The following TIAM1 variants were observed in gnomAD, a reference collection of about 807,000 sequenced individuals.
TIAM1 encodes the protein TIAM Rac1 associated GEF 1.
A neutral mutation model predicts 163.5 loss-of-function variants in TIAM1; 65 were observed. That is an observed-to-expected ratio of 0.40 (90% CI 0.33 to 0.49). The LOEUF is 0.49. Ranked by LOEUF, TIAM1 falls within the 20% of genes least tolerant of loss-of-function variation. The pLI, the probability that TIAM1 is intolerant of heterozygous loss-of-function variation, is 0.77. For missense variants in TIAM1, 1,789 were observed against 2,044.7 expected (o/e 0.87, Z 2.41); for synonymous variants, 833 against 810.1 (o/e 1.03, Z -0.48).
chr21:31,299,427 T>G (rs2074418615), intron 2 of TIAM1, among the ~76,000 whole-genome samples: 1 of 152,238 alleles, frequency 6.6e-6, no homozygotes, highest in African/African-American at 2.4e-5. Flanking sequence ...TGTTATTTCT[T>G]GTTGGGACTT....
intron 2 of TIAM1, among the ~76,000 whole-genome samples, chr21:31,443,397 T>C (rs2044507960): frequency 6.6e-6 from 1 of 152,262 alleles, no homozygotes; most frequent in East Asian, 1.9e-4. Flanking sequence ...TGGACCACGC[T>C]GCTGTATGTC....
intron 1 of TIAM1, among the ~76,000 whole-genome samples, chr21:31,468,788 C>T (rs1395543525): frequency 1.3e-5 from 2 of 151,938 alleles, no homozygotes; most frequent in East Asian, 3.9e-4. Flanking sequence ...AAAAAACGAA[C>T]CTAGAAGGGC....
In TIAM1 at chr21:31,525,346, C is replaced by T. The variant is rs1215893970; in HGVS notation, c.-422+33581G>A. 2.0e-5 allele frequency among the ~76,000 whole-genome samples: 3 copies of T among 147,508 alleles called. No homozygotes were observed. In the Admixed American group the frequency reaches 2.0e-4, roughly 10 times the overall value. ...ATTGCGCCACGCACTCCAACCTGGG[C>T]GACAGAGCCAGACTCCGTCTCAAAA... is the stretch of plus-strand genomic sequence containing the variant. On this transcript the variant is annotated intron_variant, in intron 1 of 28. Transcript: ENST00000286827.
chr21:31,299,567 T>C (rs1486147839), intron 2 of TIAM1, among the ~76,000 whole-genome samples: 1 of 152,210 alleles, frequency 6.6e-6, no homozygotes, highest in African/African-American at 2.4e-5. Flanking sequence ...AATGAACAGG[T>C]CTTGAGCAAC....
chr21:31,508,637 G>A (rs867147506), intron 1 of TIAM1, among the ~76,000 whole-genome samples: 4 of 152,010 alleles, frequency 2.6e-5, no homozygotes, highest in African/African-American at 7.2e-5. Context: ...TGATCTGCCC[G>A]CCTCTGCTTC....
chr21:31,470,099 G>A (rs987938474), intron 1 of TIAM1, among the ~76,000 whole-genome samples: 3 of 150,066 alleles, frequency 2.0e-5, no homozygotes, highest in Non-Finnish European at 3.0e-5. Flanking sequence ...TGGCCCCCTA[G>A]GTTCAAGTGA....
chr21:31,517,781 G>A (rs1407230896), intron 1 of TIAM1, among the ~76,000 whole-genome samples: 1 of 152,188 alleles, frequency 6.6e-6, no homozygotes, highest in Non-Finnish European at 1.5e-5. Context: ...CTTGTACCAG[G>A]AGGAAGGAAA....
chr21:31,191,175 T>C (rs557970846), intron 13 of TIAM1, among the ~76,000 whole-genome samples: 1 of 152,126 alleles, frequency 6.6e-6, no homozygotes, highest in Non-Finnish European at 1.5e-5. Flanking sequence ...TCTTTTTTTT[T>C]TCTTTGAGAC....
At chr21:31,404,751 TCA>T (rs2077219852) in intron 2 of TIAM1, among the ~76,000 whole-genome samples, 1 of 152,158 alleles carries the variant, frequency 6.6e-6, no homozygotes, top group South Asian at 2.1e-4. Context: ...AAGTAAGATG[TCA>T]CCACTGGGGA....
In TIAM1 at chr21:31,455,912, A is replaced by G. The variant is rs536006158; in HGVS notation, c.-369+8071T>C. Among the ~76,000 whole-genome samples, 21 of 152,304 alleles carry G rather than the reference A, an allele frequency of 1.4e-4. No homozygotes were observed. In the South Asian group the frequency reaches 4.1e-3, roughly 30 times the overall value. On this transcript the variant is annotated intron_variant, in intron 2 of 28. Transcript: ENST00000286827. ...AATGTGATGCATGATTCTGAACTAG[A>G]TCCTTTTGCTTACAAAGGACATTCC...
chr21:31,278,853 C>T (rs1347119543), intron 2 of TIAM1, among the ~76,000 whole-genome samples: 5 of 152,098 alleles, frequency 3.3e-5, no homozygotes, highest in African/African-American at 9.7e-5. Flanking sequence ...TGCGAATTTC[C>T]GAATTTCCAA....
chr21:31,521,794 A>G (rs1038434204), intron 1 of TIAM1, among the ~76,000 whole-genome samples: 2 of 151,050 alleles, frequency 1.3e-5, no homozygotes, highest in African/African-American at 4.9e-5. Context: ...AAGGACAGTA[A>G]GAACTCTAAT....
chr21:31,320,596 G>A (rs964991649), intron 2 of TIAM1, among the ~76,000 whole-genome samples: 1 of 152,238 alleles, frequency 6.6e-6, no homozygotes, highest in African/African-American at 2.4e-5. Flanking sequence ...TTCAGGGTAT[G>A]TGGTATCAGA....
chr21:31,155,838 C>T (rs368176653), intron 16 of TIAM1, among the ~76,000 whole-genome samples: 7 of 152,158 alleles, frequency 4.6e-5, no homozygotes, highest in African/African-American at 7.2e-5. Context: ...GTCCTTCTCA[C>T]GCTTCTCTCT....
chr21:31,189,703 C>T (rs964382400), intron 13 of TIAM1, among the ~76,000 whole-genome samples: 1 of 152,048 alleles, frequency 6.6e-6, no homozygotes, highest in African/African-American at 2.4e-5. Context: ...GCAGCCCTCC[C>T]CACACCTTGC....
intron 15 of TIAM1, 69 bp downstream of exon 15, chr21:31,182,352 C>T (rs530938711): frequency 1.4e-5 from 19 of 1,337,866 alleles, no homozygotes; most frequent in Non-Finnish European, 1.9e-5. Context: ...ACACAAGCCG[C>T]ATGATAAACT....
In TIAM1 at chr21:31,210,315, G is replaced by A. The variant is rs2086656334; in HGVS notation, c.2218-100C>T. 7.6e-6 allele frequency: 10 copies of A among 1,309,604 alleles called. 1 individual carries two copies. In the Admixed American group the frequency reaches 1.7e-4, roughly 23 times the overall value. The allele number at this position is 1,309,604 out of a possible 1,614,324, so 81.1% of individuals were successfully genotyped here. A position where few individuals can be genotyped will look rare whatever the true frequency, so the allele number is the denominator to read the frequency against. On this transcript the variant is annotated intron_variant, in intron 10 of 27. Transcript: ENST00000541036. ...GGAATCACCGATTCCCATGAAAACAGCCCAGGGCAGAAGCGGAGGCAGTGG... is the reference window on the plus strand; with the variant it reads ...GGAATCACCGATTCCCATGAAAACAACCCAGGGCAGAAGCGGAGGCAGTGG...
chr21:31,528,676 G>A (rs1421879611), intron 1 of TIAM1, among the ~76,000 whole-genome samples: 1 of 150,708 alleles, frequency 6.6e-6, no homozygotes, highest in Non-Finnish European at 1.5e-5. Flanking sequence ...ATGGTGTGGT[G>A]TGCCTGTAAT....
intron 1 of TIAM1, among the ~76,000 whole-genome samples, chr21:31,484,407 T>C (rs1479249910): frequency 2.0e-5 from 3 of 152,214 alleles, no homozygotes; most frequent in African/African-American, 7.2e-5. Flanking sequence ...CACCTGCTGG[T>C]TGAATTGGCA....
Sources: gnomAD v4.1 joint callset for allele counts (sites outside exome capture counted in the v4.1 genomes callset) on GRCh38, gnomAD v4.1.1 for gene constraint, MANE v1.5 for transcripts, NCBI Gene and HGNC (gene_info 2026-07-23, HGNC 2026-07-21) for gene names.